ERAP1: variants seen among roughly 807,000 people sequenced by gnomAD.
ERAP1 encodes adipocyte-derived leucine aminopeptidase.
ERAP1 carries 86 observed loss-of-function variants against 103.7 expected under a neutral mutation model. The ratio of observed to expected loss-of-function variants is 0.83; its 90% CI spans 0.70 to 0.99. ERAP1 has a LOEUF of 0.99. ERAP1 is among the 50% of genes least tolerant of loss of function. The pLI is 0.00. For missense variants in ERAP1, 1,009 were observed against 1,128.4 expected, an observed-to-expected ratio of 0.89 and a Z score of 1.52; for synonymous variants, 398 against 402.4, an observed-to-expected ratio of 0.99 and a Z score of 0.13.
At chr5:96,866,005 A>G in the ERAP1 span, among the ~76,000 whole-genome samples, 1 of 152,210 alleles carries the variant, frequency 6.6e-6, no homozygotes, top group Admixed American at 6.5e-5. Context: ...TTCATACTCA[A>G]TCTACCAAAT....
At chr5:96,842,982 T>A in the ERAP1 span, among the ~76,000 whole-genome samples, 1 of 152,176 alleles carries the variant, frequency 6.6e-6, no homozygotes, top group African/African-American at 2.4e-5. Context: ...GAGGATCCAG[T>A]TTCATTCTTC....
the ERAP1 span, chr5:96,917,494 A>G: frequency 6.2e-7 from 1 of 1,613,434 alleles, no homozygotes; most frequent in South Asian, 1.1e-5. Context: ...TTGAGGCTCA[A>G]GGATCACATC....
chr5:96,846,245 G>C, the ERAP1 span, among the ~76,000 whole-genome samples: 1 of 152,108 alleles, frequency 6.6e-6, no homozygotes, highest in Non-Finnish European at 1.5e-5. Context: ...CCACCAACCT[G>C]GTCCTCTGCA....
At chr5:96,920,655 T>C in the ERAP1 span, among the ~76,000 whole-genome samples, 6 of 152,384 alleles carry the variant, frequency 3.9e-5, 1 homozygote, top group South Asian at 1.2e-3. Flanking sequence ...ACTTCTATTC[T>C]TTATTGACCT....
At chr5:96,889,399 C>T in the ERAP1 span, 6 of 1,372,236 alleles carry the variant, frequency 4.4e-6, no homozygotes, top group African/African-American at 8.6e-5. Context: ...TTTAAATGAG[C>T]ACTGAGGAAT....
chr5:96,902,188 C>T, the ERAP1 span: 1 of 884,338 alleles, frequency 1.1e-6, no homozygotes, highest in Non-Finnish European at 1.9e-6. Context: ...TACTTAGGTG[C>T]CTTTTACAGT....
intron 10 of ERAP1, among the ~76,000 whole-genome samples, chr5:96,789,330 T>C (rs1199420194): frequency 2.6e-5 from 4 of 152,018 alleles, no homozygotes; most frequent in East Asian, 1.9e-4. Flanking sequence ...CTACTAAGAA[T>C]ACAAAAATTA....
At chr5:96,916,562 C>A in the ERAP1 span, among the ~76,000 whole-genome samples, 3 of 146,888 alleles carry the variant, frequency 2.0e-5, no homozygotes, top group Non-Finnish European at 3.0e-5. Context: ...CTCCCAGGTT[C>A]ACGCCATTCT....
intron 1 of ERAP1, chr5:96,804,996 C>T (rs1321465192): frequency 1.4e-5 from 2 of 141,510 alleles, no homozygotes; most frequent in African/African-American, 5.1e-5. Flanking sequence ...GCAAACCATG[C>T]CCCAAGCATC....
At chr5:96,781,622 T>C (rs1202285999) in intron 16 of ERAP1, 71 bp downstream of exon 16, 25 of 1,602,494 alleles carry the variant, frequency 1.6e-5, no homozygotes, top group South Asian at 2.2e-5. Context: ...AAAACAAAAA[T>C]AGATGCCAGA....
the ERAP1 span, among the ~76,000 whole-genome samples, chr5:96,861,987 G>T: frequency 0.27 from 40,297 of 151,516 alleles, 6,698 homozygotes; most frequent in Non-Finnish European, 0.38. Flanking sequence ...GATTCTTTTT[G>T]AAAAAAAAAT....
At chr5:96,857,674 G>C in the ERAP1 span, among the ~76,000 whole-genome samples, 4 of 152,194 alleles carry the variant, frequency 2.6e-5, no homozygotes, top group Non-Finnish European at 5.9e-5. Flanking sequence ...TCTGCCTCCA[G>C]AGCCTATATG....
chr5:96,808,502 T>C (rs931025728), upstream of ERAP1, among the ~76,000 whole-genome samples: 4 of 152,000 alleles, frequency 2.6e-5, no homozygotes, highest in African/African-American at 9.7e-5. Flanking sequence ...CCCAGTACTC[T>C]GTCGTGGCAA....
chr5:96,884,428 G>A, the ERAP1 span, among the ~76,000 whole-genome samples: 1 of 152,204 alleles, frequency 6.6e-6, no homozygotes, highest in African/African-American at 2.4e-5. Context: ...CAGGGACCCT[G>A]CAGGGCCCCA....
At chr5:96,776,720 A>C in intron 18 of ERAP1, 169 bp from the exon 19 acceptor site, 4 of 855,440 alleles carry the variant, frequency 4.7e-6, no homozygotes, top group Non-Finnish European at 7.0e-6. Context: ...AAATGAGCTC[A>C]TGCCTCATGA....
the ERAP1 span, among the ~76,000 whole-genome samples, chr5:96,884,172 T>A: frequency 6.6e-6 from 1 of 152,124 alleles, no homozygotes; most frequent in Non-Finnish European, 1.5e-5. Flanking sequence ...CAAAGTGATT[T>A]ATATTTTGTG....
At chr5:96,762,432 A>G (rs549447094) in exon 20 of ERAP1, 2 of 1,237,514 alleles carry the variant, frequency 1.6e-6, no homozygotes, top group Admixed American at 2.6e-5. Context: ...CTAGAAAGAA[A>G]ATAGGGCGCC....
At chr5:96,794,806 A>AT (rs1352368765) in intron 5 of ERAP1, among the ~76,000 whole-genome samples, 2 of 152,180 alleles carry the variant, frequency 1.3e-5, no homozygotes, top group African/African-American at 4.8e-5. Flanking sequence ...AAGAGTCCCC[A>AT]TGCCATATGC....
At chr5:96,892,160 C>T in the ERAP1 span, 2 of 776,738 alleles carry the variant, frequency 2.6e-6, no homozygotes, top group Non-Finnish European at 4.1e-6. Context: ...GACACCCTGT[C>T]AATGTTAAGA....
Sources: gnomAD v4.1 joint callset for allele counts (sites outside exome capture counted in the v4.1 genomes callset) on GRCh38, gnomAD v4.1.1 for gene constraint, MANE v1.5 for transcripts, NCBI Gene and HGNC (gene_info 2026-07-23, HGNC 2026-07-21) for gene names.